The following PI4K2B variants were observed in gnomAD, a reference collection of about 807,000 sequenced individuals.
PI4K2B encodes the protein phosphatidylinositol 4-kinase type 2 beta, also known as phosphatidylinositol 4-kinase type 2-beta.
Under a neutral mutation model 56.6 loss-of-function variants are expected in PI4K2B, and 46 were observed. That is an observed-to-expected ratio of 0.81 (90% confidence interval 0.64 to 1.04). The LOEUF (loss-of-function observed/expected upper bound fraction) is 1.04. PI4K2B is among the 50% of genes least tolerant of loss of function. The pLI, the probability that PI4K2B is intolerant of heterozygous loss-of-function variation, is 0.00. For missense variants in PI4K2B, 556 were observed against 607.7 expected, an observed-to-expected ratio of 0.91 and a Z score of 0.89; for synonymous variants, 211 against 223.8, an observed-to-expected ratio of 0.94 and a Z score of 0.51.
At position 25,263,863 on chromosome 4, in the gene PI4K2B, A is replaced by G. The variant is rs1716570237; in HGVS notation, c.1078+14A>G. The G allele has an allele frequency of 3.4e-6, 4 of 1,170,358 alleles. No individual in the cohort carries two copies. The highest frequency in any genetic ancestry group is 1.3e-5 in the South Asian group (1 of 79,824). 72.5% of individuals were successfully genotyped at this position (1,170,358 alleles called of 1,614,324 possible). On this transcript the variant is annotated intron_variant, in intron 7 of 9. Coordinates refer to ENST00000264864, the MANE Select transcript of PI4K2B (RefSeq NM_018323.4). ...AATGGAGAGCATGTGAGTATTTAGA[A>G]CCTTCTGTAGAGTCTATAATTACCT...
In PI4K2B at chr4:25,277,945, C is replaced by T. The variant is rs749194316; in HGVS notation, c.*758C>T. ...CTTAAAAATTCCCTTCTGTTTCTTA[C>T]ATGGGATCAAATACTTGAGATTAGT... On this transcript the variant is annotated 3_prime_UTR_variant, in exon 10 of 10. Coordinates refer to ENST00000264864, the MANE Select transcript of PI4K2B (RefSeq NM_018323.4). The T allele has an allele frequency of 6.6e-6, 1 of 152,126 alleles. No individual in the cohort carries two copies. Among genetic ancestry groups the T allele is most frequent in the Non-Finnish European group, 1.5e-5 (1 of 67,994 alleles). The allele number at this position is 152,126 out of a possible 1,614,324, so 9.4% of individuals were successfully genotyped here. A position where few individuals can be genotyped will look rare whatever the true frequency, so the allele number is the denominator to read the frequency against.
chr4:25,237,651 A>T (rs1030797188), intron 1 of PI4K2B, among the ~76,000 whole-genome samples: 2 of 152,200 alleles, frequency 1.3e-5, no homozygotes, highest in African/African-American at 4.8e-5. Context: ...CAAGGCCACC[A>T]TGCCTGGCCT....
At chr4:25,269,888 C>G (rs1716812748) in intron 9 of PI4K2B, among the ~76,000 whole-genome samples, 1 of 151,002 alleles carries the variant, frequency 6.6e-6, no homozygotes, top group Non-Finnish European at 1.5e-5. Flanking sequence ...TGATTTTTTT[C>G]TATATTTTTA....
chr4:25,271,901 G>A (rs1022954753), intron 9 of PI4K2B, among the ~76,000 whole-genome samples: 1 of 152,164 alleles, frequency 6.6e-6, no homozygotes, highest in African/African-American at 2.4e-5. Context: ...CCACCATTTT[G>A]AGAGGCAGAG....
intron 1 of PI4K2B, among the ~76,000 whole-genome samples, chr4:25,242,511 C>T (rs964251169): frequency 6.6e-5 from 10 of 152,240 alleles, no homozygotes; most frequent in Non-Finnish European, 1.0e-4. Flanking sequence ...CTGCTTCCTC[C>T]GGTATTTGAG....
intron 1 of PI4K2B, among the ~76,000 whole-genome samples, chr4:25,250,224 G>A (rs1317145400): frequency 1.3e-5 from 2 of 152,110 alleles, no homozygotes; most frequent in Non-Finnish European, 2.9e-5. Context: ...AAGAGGGAGA[G>A]GGGAGAGGGG....
Position 25,260,805 on chromosome 4 carries a change from T to C in PI4K2B, c.978+214T>C, listed in dbSNP as rs1443532768. Among the ~76,000 whole-genome samples, 8 of 150,330 alleles carry C rather than the reference T, an allele frequency of 5.3e-5. No individual in the cohort carries two copies. The East Asian group carries it at 1.4e-3, about 25-fold the overall frequency. On this transcript the variant is annotated intron_variant, in intron 6 of 9. Coordinates refer to ENST00000264864, the MANE Select transcript of PI4K2B (RefSeq NM_018323.4). The stretch of plus-strand genomic sequence containing the variant: ...CTTAATCCTTGGTTTTTAAATCTAC[T>C]GTCTCTGTTTTTCTCACACTTTTTA...
chr4:25,269,248 A>G, intron 9 of PI4K2B, 45 bp downstream of exon 9: 1 of 1,046,588 alleles, frequency 9.6e-7, no homozygotes, highest in Non-Finnish European at 1.5e-6. Flanking sequence ...AATCTCTTTG[A>G]AACAGTAGTC....
chr4:25,254,053 C>T (rs1319560219), intron 2 of PI4K2B, among the ~76,000 whole-genome samples: 5 of 152,182 alleles, frequency 3.3e-5, no homozygotes, highest in African/African-American at 1.2e-4. Flanking sequence ...AGCCACAGCG[C>T]CTGGCCAAGA....
chr4:25,243,662 C>T (rs908997754), intron 1 of PI4K2B, among the ~76,000 whole-genome samples: 1 of 152,192 alleles, frequency 6.6e-6, no homozygotes, highest in Admixed American at 6.5e-5. Context: ...AATCAATTGA[C>T]CCTCGAGTGA....
chr4:25,267,994 G>A, intron 7 of PI4K2B: 1 of 324,760 alleles, frequency 3.1e-6, no homozygotes, highest in Non-Finnish European at 4.4e-6. Context: ...GCTGAAGTGG[G>A]AGAATCCCTT....
At position 25,272,554 on chromosome 4, in the gene PI4K2B, C is replaced by T. The variant is rs151323597; in HGVS notation, c.1272+3351C>T. 7.5e-3 allele frequency among the ~76,000 whole-genome samples: 1,140 copies of T among 151,906 alleles called. 6 individuals carry two copies. Among genetic ancestry groups the T allele is most frequent in the Non-Finnish European group, 0.012 (830 of 67,890 alleles). On this transcript the variant is annotated intron_variant, in intron 9 of 9. Transcript: ENST00000264864. ...TGGTGGCTCATGGCTGTTGTCCCAG[C>T]TACTTGGGAGGCTGAGGCAGGAGGA...
chr4:25,258,579 A>C (rs925655275), intron 4 of PI4K2B: 37 of 270,378 alleles, frequency 1.4e-4, no homozygotes, highest in Non-Finnish European at 1.9e-4. Flanking sequence ...TAAAAAAAAA[A>C]AATGAAAAAA....
intron 1 of PI4K2B, among the ~76,000 whole-genome samples, chr4:25,246,857 G>A (rs1052455484): frequency 1.3e-5 from 2 of 152,222 alleles, no homozygotes; most frequent in African/African-American, 4.8e-5. Context: ...GCTGGCGCGG[G>A]TGCTAAGCCC....
intron 6 of PI4K2B, among the ~76,000 whole-genome samples, chr4:25,261,725 C>T (rs1716484469): frequency 2.3e-5 from 1 of 42,684 alleles, no homozygotes. Context: ...ATAAAGGGAA[C>T]ATATTGTATA....
intron 1 of PI4K2B, among the ~76,000 whole-genome samples, chr4:25,243,801 T>C (rs758004479): frequency 6.6e-6 from 1 of 152,232 alleles, no homozygotes; most frequent in Non-Finnish European, 1.5e-5. Context: ...TTTCTAATTC[T>C]CAGTCTTTCT....
intron 1 of PI4K2B, among the ~76,000 whole-genome samples, chr4:25,243,551 C>T (rs1173565238): frequency 6.6e-6 from 1 of 152,130 alleles, no homozygotes; most frequent in African/African-American, 2.4e-5. Context: ...ACCGAGGTTG[C>T]CAGGTTTAAT....
At chr4:25,255,777 C>T (rs191148628) in intron 3 of PI4K2B, among the ~76,000 whole-genome samples, 1 of 151,998 alleles carries the variant, frequency 6.6e-6, no homozygotes, top group East Asian at 1.9e-4. Context: ...CACATCTTTT[C>T]TCTTTATCAT....
chr4:25,248,188 T>G (rs929989287), intron 1 of PI4K2B, among the ~76,000 whole-genome samples: 1 of 152,326 alleles, frequency 6.6e-6, no homozygotes, highest in South Asian at 2.1e-4. Flanking sequence ...ATACTTCAAT[T>G]GTGCTAAATA....
Sources: allele counts gnomAD v4.1 joint callset (sites outside exome capture counted in the v4.1 genomes callset), GRCh38; gene constraint gnomAD v4.1.1; transcripts MANE v1.5; gene names NCBI Gene and HGNC (gene_info 2026-07-23, HGNC 2026-07-21).